Variants in ANKRD36 observed in about 807,000 individuals in gnomAD.
The protein encoded by ANKRD36 is ankyrin repeat domain 36.
In ANKRD36, 179 loss-of-function variants were observed where a neutral mutation model predicts 278.1. The observed-to-expected ratio is 0.64, with a 90% CI of 0.57 to 0.73. The LOEUF (loss-of-function observed/expected upper bound fraction) is 0.73. ANKRD36 is among the 30% of genes least tolerant of loss of function. The pLI is 0.00. For missense variants in ANKRD36, 1,159 were observed against 1,956.7 expected (o/e 0.59, Z 7.69); for synonymous variants, 320 against 641.1 (o/e 0.50, Z 7.57).
chr2:97,123,656 A>T (rs367623494), intron 4 of ANKRD36, among the ~76,000 whole-genome samples: 76 of 114,438 alleles, frequency 6.6e-4, no homozygotes, highest in Middle Eastern at 4.6e-3. Flanking sequence ...ATGTCCAGCT[A>T]ACAGAGCAAG....
At position 97,198,643 on chromosome 2, in the gene ANKRD36, G is replaced by C; in HGVS notation, c.2740G>C (p.Glu914Gln). ...TATAGCCAGAGGAAAAAAGGATGGA[G>C]AAAAAACTAAGAGAGGTAATTTTGA... ...LNIARGKKDG[E>Q]KTKRVSSRKK... The change falls in exon 44 of 76, where the codon GAA (glutamate) becomes CAA (glutamine). Residue 914 changes from glutamate to glutamine, a missense_variant. Coordinates refer to ENST00000420699, the MANE Select transcript of ANKRD36 (RefSeq NM_001354587.1). 2 of 1,542,750 alleles carry C rather than the reference G, an allele frequency of 1.3e-6. No homozygotes were observed. The highest frequency in any genetic ancestry group is 2.4e-5 in the South Asian group (2 of 83,580).
rs376138909 is a variant in ANKRD36, at chr2:97,202,218, A to C, written c.2874A>C (p.Pro958=). The change falls in exon 47 of 76, where the codon CCA becomes CCC. Residue 958 remains proline (P), a synonymous_variant. Transcript: ENST00000420699. ...GCTTTTCAGTGTCTTCTCAGAAACCACCAGCCTTGAAGGTAATGAAACTCC... is the reference window on the plus strand; with the variant it reads ...GCTTTTCAGTGTCTTCTCAGAAACCCCCAGCCTTGAAGGTAATGAAACTCC... ...EISRKVSSQK[P]PALKGTSDEE... is the part of the protein sequence containing the mutation. 2 of 1,609,432 alleles carry C rather than the reference A, an allele frequency of 1.2e-6. No individual in the cohort carries two copies. Among genetic ancestry groups the C allele is most frequent in the Non-Finnish European group, 1.7e-6 (2 of 1,178,512 alleles).
At chr2:97,174,494 A>G (rs573230399) in intron 22 of ANKRD36, among the ~76,000 whole-genome samples, 1 of 151,860 alleles carries the variant, frequency 6.6e-6, no homozygotes, top group Non-Finnish European at 1.5e-5. Flanking sequence ...AAACGTGAAT[A>G]TGCATACATT....
At chr2:97,219,596 C>T (rs546130162) in intron 66 of ANKRD36, among the ~76,000 whole-genome samples, 14 of 146,054 alleles carry the variant, frequency 9.6e-5, no homozygotes, top group African/African-American at 3.6e-4. Flanking sequence ...ATTCTCTTGC[C>T]TCAGCCTCCC....
At chr2:97,226,400 T>G (rs1350456781) in intron 67 of ANKRD36, among the ~76,000 whole-genome samples, 35 of 151,542 alleles carry the variant, frequency 2.3e-4, no homozygotes, top group African/African-American at 8.5e-4. Context: ...TTTTCATGTG[T>G]TTTTTGGCTG....
At chr2:97,122,810 C>G (rs2037259467) in intron 3 of ANKRD36, 77 bp from the exon 4 acceptor site, 3 of 1,353,116 alleles carry the variant, frequency 2.2e-6, no homozygotes, top group African/African-American at 1.5e-5. Context: ...CTCACAGGAT[C>G]TTACTTACAT....
chr2:97,196,990 A>T (rs1464575535), intron 42 of ANKRD36, among the ~76,000 whole-genome samples: 1 of 151,882 alleles, frequency 6.6e-6, no homozygotes, highest in Non-Finnish European at 1.5e-5. Flanking sequence ...ATACACTTCC[A>T]CACTTTGAAG....
chr2:97,177,501 C>T (rs1178051972), intron 22 of ANKRD36, among the ~76,000 whole-genome samples: 4 of 151,844 alleles, frequency 2.6e-5, no homozygotes, highest in African/African-American at 9.7e-5. Context: ...TGGAACAGAA[C>T]GGAGACCTCA....
At chr2:97,143,656 C>T (rs1182313518) in intron 8 of ANKRD36, among the ~76,000 whole-genome samples, 1 of 152,190 alleles carries the variant, frequency 6.6e-6, no homozygotes, top group Non-Finnish European at 1.5e-5. Flanking sequence ...TCCTTCAAAC[C>T]AGACTATTTT....
At chr2:97,116,058 T>A (rs397832558) in intron 1 of ANKRD36, among the ~76,000 whole-genome samples, 23 of 152,072 alleles carry the variant, frequency 1.5e-4, no homozygotes, top group Non-Finnish European at 1.9e-4. Context: ...CTATGGTGTT[T>A]GTAAGCCAAA....
chr2:97,122,469 A>ATT (rs1299852996), intron 3 of ANKRD36, among the ~76,000 whole-genome samples: 9 of 144,028 alleles, frequency 6.2e-5, no homozygotes, highest in African/African-American at 2.3e-4. Context: ...ATAGATAATA[A>ATT]TTTAGATCAT....
chr2:97,139,262 A>T lies in ANKRD36; in HGVS notation c.800-3378A>T, dbSNP rs567444537. Among the ~76,000 whole-genome samples the T allele has an allele frequency of 7.8e-4, 118 of 152,150 alleles. 3 individuals are homozygous for T. The highest frequency in any genetic ancestry group is 2.7e-3 in the African/African-American group (111 of 41,560). On this transcript the variant is annotated intron_variant, in intron 6 of 75. Transcript: ENST00000420699. The stretch of plus-strand genomic sequence containing the variant: ...AGGGTTCCCTATACTACTAAAACTT[A>T]TTGATGACATGTAACCAAGAACTTG...
chr2:97,204,634 C>T (rs1249165050), intron 50 of ANKRD36, among the ~76,000 whole-genome samples: 8 of 151,420 alleles, frequency 5.3e-5, no homozygotes, highest in Non-Finnish European at 1.0e-4. Context: ...CAAGAAAAGA[C>T]AGAAAGCTTG....
At position 97,197,743 on chromosome 2, in the gene ANKRD36, A is replaced by G. The variant is rs558633451; in HGVS notation, c.2654-720A>G. 1.4e-4 allele frequency among the ~76,000 whole-genome samples: 22 copies of G among 152,056 alleles called. No individual in the cohort carries two copies. The East Asian group carries it at 3.5e-3, about 24-fold the overall frequency. ...TGCTTGTAGCTGTTTTACTTTGTAT[A>G]GGTATGTCAAAATTGATAATTGATG... On this transcript the variant is annotated intron_variant, in intron 42 of 75. Coordinates refer to ENST00000420699, the MANE Select transcript of ANKRD36 (RefSeq NM_001354587.1).
In ANKRD36 at chr2:97,206,076, A is replaced by T; in HGVS notation, c.3104A>T (p.Glu1035Val). The T allele has an allele frequency of 6.4e-7, 1 of 1,551,390 alleles. No homozygotes were observed. Among genetic ancestry groups the T allele is most frequent in the Non-Finnish European group, 8.7e-7 (1 of 1,149,612 alleles). The change falls in exon 52 of 76, where the codon GAG (glutamate) becomes GTG (valine). Residue 1035 changes from glutamate (E) to valine (V), a missense_variant. Glu to Val is a moderately radical substitution (Grantham distance 121, BLOSUM62 -2). Transcript: ENST00000420699. ...KPPTLKATSD[E>V]EDSVLSIARE... ...AATTCCATTCAGGCTACAAGTGATG[A>T]GGAAGATTCTGTTTTGAGTATAGCC...
rs28432242 is a variant in ANKRD36 at position 97,191,362 on chromosome 2, C to G, written c.2347+181C>G. Among the ~76,000 whole-genome samples the G allele has an allele frequency of 4.7e-3, 706 of 151,682 alleles. 12 individuals are homozygous for G. Among genetic ancestry groups the G allele is most frequent in the African/African-American group, 0.016 (679 of 41,464 alleles). ...TGCTGCTGGTCTGGAACATGATCTT[C>G]GCAGTAAGATTATACACTTCCCCAC... On this transcript the variant is annotated intron_variant, in intron 36 of 75. Transcript: ENST00000420699.
At chr2:97,211,642 G>A (rs1332333131) in intron 57 of ANKRD36, 27 bp from the exon 58 acceptor site, 1 of 1,591,870 alleles carries the variant, frequency 6.3e-7, no homozygotes, top group East Asian at 2.4e-5. Flanking sequence ...TTTATTTATT[G>A]ACTGTTTTGT....
chr2:97,233,164 A>G (rs1329513899), intron 67 of ANKRD36, among the ~76,000 whole-genome samples: 1 of 151,006 alleles, frequency 6.6e-6, no homozygotes, highest in Non-Finnish European at 1.5e-5. Context: ...TCTCCACCAC[A>G]TGGTGACAGA....
chr2:97,146,498 T>C lies in ANKRD36; in HGVS notation c.1016T>C (p.Val339Ala). The C allele has an allele frequency of 6.6e-7, 1 of 1,520,588 alleles. No homozygotes were observed. The allele number at this position is 1,520,588 out of a possible 1,614,324, so 94.2% of individuals were successfully genotyped here. The change falls in exon 11 of 76, where the codon GTT (valine) becomes GCT (alanine). Residue 339 changes from valine to alanine, a missense_variant. Physicochemically the swap from Val to Ala is moderately conservative, Grantham distance 64. Coordinates refer to ENST00000420699, the MANE Select transcript of ANKRD36 (RefSeq NM_001354587.1). ...TTTTGTTTAATAGTGCTTCCTGCTG[T>C]TGAACAGTGTTTAAACAGGTATGAT... ...EQKSGTVLPA[V>A]EQCLNRSLYR...
Sources: allele counts gnomAD v4.1 joint callset (sites outside exome capture counted in the v4.1 genomes callset), GRCh38; gene constraint gnomAD v4.1.1; transcripts MANE v1.5; gene names NCBI Gene and HGNC (gene_info 2026-07-23, HGNC 2026-07-21).